Variants in PTPRJ observed in about 807,000 individuals in gnomAD.
The protein encoded by PTPRJ is protein tyrosine phosphatase receptor type J.
Under a neutral mutation model 141.3 loss-of-function variants are expected in PTPRJ, and 129 were observed. The observed-to-expected ratio is 0.91, with a 90% CI of 0.79 to 1.06. The LOEUF (loss-of-function observed/expected upper bound fraction) is 1.06, where lower values mean the gene tolerates loss of function less well. PTPRJ is among the 50% of genes least tolerant of loss of function. The pLI, the probability that PTPRJ is intolerant of heterozygous loss-of-function variation, is 0.00. For missense variants in PTPRJ, 1,601 were observed against 1,679.7 expected, an observed-to-expected ratio of 0.95 and a Z score of 0.82; for synonymous variants, 610 against 640.5, an observed-to-expected ratio of 0.95 and a Z score of 0.72.
chr11:48,085,424 A>C (rs1855676369), intron 1 of PTPRJ, among the ~76,000 whole-genome samples: 1 of 152,082 alleles, frequency 6.6e-6, no homozygotes. Flanking sequence ...GGCTCACTGC[A>C]ACCTCCGCCT....
At chr11:48,124,076 G>T (rs11606799) in intron 5 of PTPRJ, among the ~76,000 whole-genome samples, 1 of 152,216 alleles carries the variant, frequency 6.6e-6, no homozygotes. Flanking sequence ...TTGGGGCTGA[G>T]AACAGCAATA....
intron 10 of PTPRJ, 146 bp downstream of exon 10, chr11:48,137,427 C>A: frequency 2.4e-6 from 2 of 822,594 alleles, no homozygotes; most frequent in Non-Finnish European, 3.8e-6. Flanking sequence ...GTTAGCTTAT[C>A]GGTGCTGTCT....
intron 1 of PTPRJ, among the ~76,000 whole-genome samples, chr11:47,987,387 A>G (rs1854078815): frequency 6.6e-6 from 1 of 152,304 alleles, no homozygotes; most frequent in East Asian, 1.9e-4. Flanking sequence ...TTATGTGAGT[A>G]TGATGTGGTT....
intron 18 of PTPRJ, among the ~76,000 whole-genome samples, chr11:48,151,194 T>A (rs1011355934): frequency 6.2e-4 from 94 of 152,032 alleles, no homozygotes; most frequent in African/African-American, 2.2e-3. Context: ...AAGTCCCAAA[T>A]TAAGGTGTGG....
At chr11:47,987,765 G>T (rs1408146203) in intron 1 of PTPRJ, among the ~76,000 whole-genome samples, 1 of 152,166 alleles carries the variant, frequency 6.6e-6, no homozygotes, top group Non-Finnish European at 1.5e-5. Flanking sequence ...TCGGAGGACA[G>T]GGGCTGTAGG....
At chr11:48,123,488 G>T (rs1856756581) in intron 4 of PTPRJ, 125 bp from the exon 5 acceptor site, 1 of 963,180 alleles carries the variant, frequency 1.0e-6, no homozygotes, top group Non-Finnish European at 1.5e-6. Context: ...TGGGACATCA[G>T]TGACCTCAGT....
intron 21 of PTPRJ, among the ~76,000 whole-genome samples, chr11:48,159,161 G>GTGTGTGTGGTGTGTA (rs60389100): frequency 1.5e-5 from 2 of 130,520 alleles, no homozygotes; most frequent in Non-Finnish European, 3.2e-5. Flanking sequence ...GTGTGTGTGT[G>GTGTGTGTGGTGTGTA]GTCATTTGCC....
intron 1 of PTPRJ, among the ~76,000 whole-genome samples, chr11:48,007,591 T>TG (rs1354407082): frequency 6.6e-6 from 1 of 152,138 alleles, no homozygotes; most frequent in Non-Finnish European, 1.5e-5. Flanking sequence ...TTAGCAGAGA[T>TG]GGGGTTTTGC....
At position 48,079,647 on chromosome 11, in the gene PTPRJ, C is replaced by T. The variant is rs191057803; in HGVS notation, c.97-30411C>T. On this transcript the variant is annotated intron_variant, in intron 1 of 24. Coordinates refer to ENST00000418331, the MANE Select transcript of PTPRJ (RefSeq NM_002843.4). ...TAGGAGGGCAGAGGAAGAGGAGGAG[C>T]GGCCCCTGGGAGAATGCCTTCTACC... is the stretch of plus-strand genomic sequence containing the variant. Among the ~76,000 whole-genome samples, 62 of 152,144 alleles carry T rather than the reference C, an allele frequency of 4.1e-4. 1 individual carries two copies. The highest frequency in any genetic ancestry group is 3.5e-3 in the Admixed American group (53 of 15,286).
At chr11:48,020,660 C>G (rs919995721) in intron 1 of PTPRJ, among the ~76,000 whole-genome samples, 1 of 152,154 alleles carries the variant, frequency 6.6e-6, no homozygotes, top group Non-Finnish European at 1.5e-5. Flanking sequence ...GTCTCAAAAC[C>G]CTCTGAAGCG....
Position 48,153,793 on chromosome 11 carries a change from C to T in PTPRJ, c.3139-3C>T, listed in dbSNP as rs369341339. On this transcript the variant is annotated splice_region_variant and splice_polypyrimidine_tract_variant and intron_variant, in intron 18 of 24. Coordinates refer to ENST00000418331, the MANE Select transcript of PTPRJ (RefSeq NM_002843.4). ...ATGAACACCTCATTTGTTTTGTTTT[C>T]AGGATCTGAAGCTTGTTGGAATTAG... 1.9e-6 allele frequency: 3 copies of T among 1,604,486 alleles called. No homozygotes were observed. The highest frequency in any genetic ancestry group is 1.3e-5 in the African/African-American group (1 of 74,820).
At chr11:48,040,451 G>T (rs1010465294) in intron 1 of PTPRJ, among the ~76,000 whole-genome samples, 1 of 152,002 alleles carries the variant, frequency 6.6e-6, no homozygotes, top group African/African-American at 2.4e-5. Context: ...TTTATTTTCC[G>T]TACCACTGCC....
At chr11:48,032,882 T>C (rs1854020375) in intron 1 of PTPRJ, among the ~76,000 whole-genome samples, 1 of 152,118 alleles carries the variant, frequency 6.6e-6, no homozygotes, top group Non-Finnish European at 1.5e-5. Flanking sequence ...AAGTTCCCTG[T>C]TTCATGGAGC....
At chr11:48,161,001 A>AAAAAC (rs1857757858) in intron 22 of PTPRJ, among the ~76,000 whole-genome samples, 2 of 151,888 alleles carry the variant, frequency 1.3e-5, no homozygotes, top group South Asian at 4.2e-4. Context: ...CCACCTCTAC[A>AAAAAC]AAAACAAAAC....
At chr11:48,132,438 G>A in intron 8 of PTPRJ, 1 of 983,624 alleles carries the variant, frequency 1.0e-6, no homozygotes, top group Non-Finnish European at 1.2e-6. Flanking sequence ...AAACTTCTGG[G>A]AAATCCTAGA....
At position 48,136,155 on chromosome 11, in the gene PTPRJ, A is replaced by T; in HGVS notation, c.1732A>T (p.Lys578Ter). Residue 578 changes from lysine to a stop codon, truncating the protein, a stop_gained, in exon 9 of 25, where the codon AAG becomes TAG. Coordinates refer to ENST00000418331, the MANE Select transcript of PTPRJ (RefSeq NM_002843.4). LOFTEE classifies it high-confidence loss of function. ...TGTCTACCATTTAGTCATAGAGTCC[A>T]AGCATGGCTCTAACCACACAAGCAC... The part of the protein sequence containing the change: ...EYVYHLVIES[K>*]HGSNHTSTYD... The T allele has an allele frequency of 6.2e-7, 1 of 1,614,200 alleles. No homozygotes were observed. The highest frequency in any genetic ancestry group is 8.5e-7 in the Non-Finnish European group (1 of 1,180,026).
In PTPRJ at chr11:48,168,577, T is replaced by TATATATATATATATATAC. The variant is rs1555061333; in HGVS notation, c.*1220_*1221insTATATATATATACATATA. ...ATATATATATATATATATATATATA[T>TATATATATATATATATAC]ATATACACTAAGCTCTCAAAAACAG... On this transcript the variant is annotated 3_prime_UTR_variant, in exon 25 of 25. Coordinates refer to ENST00000418331, the MANE Select transcript of PTPRJ (RefSeq NM_002843.4). The TATATATATATATATATAC allele has an allele frequency of 8.3e-6, 1 of 120,296 alleles. No homozygotes were observed. Among genetic ancestry groups the TATATATATATATATATAC allele is most frequent in the Non-Finnish European group, 1.7e-5 (1 of 57,796 alleles). 7.5% of individuals were successfully genotyped at this position (120,296 alleles called of 1,614,324 possible).
chr11:48,159,918 A>G lies in PTPRJ; in HGVS notation c.3439-12A>G, dbSNP rs760946105. 8.1e-6 allele frequency: 13 copies of G among 1,613,276 alleles called. No individual in the cohort carries two copies. Among genetic ancestry groups the G allele is most frequent in the Admixed American group, 3.3e-5 (2 of 60,000 alleles). ...ATCTGAGTCTTCTTATAAAAATGCA[A>G]TTTTGTTCTAGACCAAATGTGAGGA... On this transcript the variant is annotated splice_polypyrimidine_tract_variant and intron_variant, in intron 21 of 24. Transcript: ENST00000418331.
intron 1 of PTPRJ, among the ~76,000 whole-genome samples, chr11:48,078,046 GT>G (rs71308357): frequency 2.7e-5 from 4 of 147,282 alleles, no homozygotes; most frequent in African/African-American, 7.5e-5. Context: ...TGGATTCAGT[GT>G]TTTTTTTTTC....
Sources: gnomAD v4.1 joint callset for allele counts (sites outside exome capture counted in the v4.1 genomes callset) on GRCh38, gnomAD v4.1.1 for gene constraint, MANE v1.5 for transcripts, NCBI Gene and HGNC (gene_info 2026-07-23, HGNC 2026-07-21) for gene names.